WARS2: variants seen among roughly 807,000 people sequenced by gnomAD.
WARS2 encodes the protein tryptophan--tRNA ligase, mitochondrial.
WARS2 carries 28 observed loss-of-function variants against 36.5 expected under a neutral mutation model. The ratio of observed to expected loss-of-function variants is 0.77; its 90% CI spans 0.57 to 1.05. The LOEUF is 1.05. WARS2 is among the 50% of genes least tolerant of loss of function. WARS2 has a pLI of 0.00. For synonymous variants in WARS2, 174 were observed against 178.4 expected (o/e 0.98, Z 0.20); for missense variants, 435 against 456.8 (o/e 0.95, Z 0.44).
At chr1:119,039,536 T>TA (rs1468348814) in intron 4 of WARS2, among the ~76,000 whole-genome samples, 1 of 152,134 alleles carries the variant, frequency 6.6e-6, no homozygotes, top group Non-Finnish European at 1.5e-5. Flanking sequence ...TTTGGAGAAA[T>TA]AATACAGATG....
At chr1:119,064,456 G>A (rs1227516994) in intron 2 of WARS2, 1 of 152,158 alleles carries the variant, frequency 6.6e-6, no homozygotes, top group African/African-American at 2.4e-5. Flanking sequence ...GAAATGTAAG[G>A]ACATGAGATT....
Position 119,032,839 on chromosome 1 carries a change from T to C in WARS2, c.*72A>G, listed in dbSNP as rs1647538530. On this transcript the variant is annotated 3_prime_UTR_variant, in exon 6 of 6. Coordinates refer to ENST00000235521, the MANE Select transcript of WARS2 (RefSeq NM_015836.4). ...TCCCAAAACTATAACTTTTTCTTTT[T>C]AGGAAAGCTGCCGTTATCAGAATGC... is the stretch of plus-strand genomic sequence containing the variant. The C allele has an allele frequency of 2.1e-6, 3 of 1,418,040 alleles. No individual in the cohort carries two copies. Among genetic ancestry groups the C allele is most frequent in the Admixed American group, 2.3e-5 (1 of 43,712 alleles). The allele number at this position is 1,418,040 out of a possible 1,614,324, so 87.8% of individuals were successfully genotyped here.
chr1:119,082,421 T>A, intron 1 of WARS2: 1 of 985,450 alleles, frequency 1.0e-6, no homozygotes, highest in Non-Finnish European at 1.2e-6. Flanking sequence ...AAACATGCCC[T>A]GGCCCTTTCA....
At chr1:119,064,154 C>A (rs1408382205) in intron 2 of WARS2, 2 of 152,012 alleles carry the variant, frequency 1.3e-5, no homozygotes, top group East Asian at 3.9e-4. Context: ...GACCTGGAGT[C>A]AAAGGAGATC....
intron 1 of WARS2, among the ~76,000 whole-genome samples, chr1:119,117,486 A>G (rs1302189831): frequency 6.6e-6 from 1 of 152,202 alleles, no homozygotes; most frequent in Non-Finnish European, 1.5e-5. Context: ...ACTCTGTGCC[A>G]CCTCTGGCTG....
chr1:119,076,789 A>G (rs1651773858), intron 1 of WARS2, among the ~76,000 whole-genome samples, 182 bp from the exon 2 acceptor site: 1 of 152,186 alleles, frequency 6.6e-6, no homozygotes, highest in Non-Finnish European at 1.5e-5. Context: ...TAGGCACAAA[A>G]AAATGATATT....
intron 2 of WARS2, among the ~76,000 whole-genome samples, chr1:119,075,207 C>CT (rs1651635099): frequency 6.6e-6 from 1 of 151,244 alleles, no homozygotes; most frequent in South Asian, 2.1e-4. Context: ...CAAAAAATAA[C>CT]AATACCACGA....
chr1:119,063,174 A>G lies in WARS2; in HGVS notation c.348+13176T>C, dbSNP rs1650524995. On this transcript the variant is annotated intron_variant, in intron 2 of 5. Transcript: ENST00000235521. ...GAGCAAAGGTGACTTGTTATGTTTT[A>G]GCAAAGAGACTGGCAGCATTTTGCC... is the stretch of plus-strand genomic sequence containing the variant. The G allele has an allele frequency of 2.0e-5, 3 of 153,516 alleles. No homozygotes were observed. The South Asian group carries it at 6.2e-4, about 32-fold the overall frequency. 9.5% of individuals were successfully genotyped at this position (153,516 alleles called of 1,614,324 possible). A position where few individuals can be genotyped will look rare whatever the true frequency, so the allele number is the denominator to read the frequency against.
chr1:119,090,885 A>T (rs1419850137), intron 1 of WARS2, among the ~76,000 whole-genome samples: 1 of 152,134 alleles, frequency 6.6e-6, no homozygotes, highest in African/African-American at 2.4e-5. Flanking sequence ...ACAGAGCAAG[A>T]TCCTGTCTCA....
intron 1 of WARS2, among the ~76,000 whole-genome samples, chr1:119,136,930 C>A (rs1656550867): frequency 6.6e-6 from 1 of 152,142 alleles, no homozygotes; most frequent in African/African-American, 2.4e-5. Context: ...TAACCTCAGT[C>A]TAAACACAAA....
chr1:119,124,909 C>A (rs1655551116), intron 1 of WARS2, among the ~76,000 whole-genome samples: 1 of 152,158 alleles, frequency 6.6e-6, no homozygotes, highest in Non-Finnish European at 1.5e-5. Flanking sequence ...TGCAAACCAC[C>A]CCAAGGTTAA....
chr1:119,116,539 A>G (rs1016598169), intron 1 of WARS2, among the ~76,000 whole-genome samples: 2 of 152,214 alleles, frequency 1.3e-5, no homozygotes, highest in South Asian at 2.1e-4. Flanking sequence ...AAATGCCACA[A>G]GATAGCCAAA....
intron 2 of WARS2, among the ~76,000 whole-genome samples, chr1:119,057,273 G>A (rs929936790): frequency 6.6e-6 from 1 of 151,880 alleles, no homozygotes; most frequent in African/African-American, 2.4e-5. Flanking sequence ...AGCCTCCTGA[G>A]TAGCTGGGAC....
chr1:119,108,183 T>C (rs2101487238), intron 1 of WARS2, among the ~76,000 whole-genome samples: 1 of 152,146 alleles, frequency 6.6e-6, no homozygotes, highest in South Asian at 2.1e-4. Flanking sequence ...TGGTATAGGG[T>C]AATGCCTGGG....
At chr1:119,091,640 G>A (rs1441973746) in intron 1 of WARS2, among the ~76,000 whole-genome samples, 1 of 152,126 alleles carries the variant, frequency 6.6e-6, no homozygotes, top group African/African-American at 2.4e-5. Flanking sequence ...TTGTTTCATT[G>A]AGAAGTGGTG....
At chr1:119,075,873 C>T (rs1360613213) in intron 2 of WARS2, among the ~76,000 whole-genome samples, 1 of 148,474 alleles carries the variant, frequency 6.7e-6, no homozygotes, top group East Asian at 2.2e-4. Context: ...CTTGTGCTAT[C>T]AAATCTTCTC....
chr1:119,051,414 T>C (rs1649339987), intron 2 of WARS2, among the ~76,000 whole-genome samples: 1 of 152,224 alleles, frequency 6.6e-6, no homozygotes, highest in Admixed American at 6.5e-5. Flanking sequence ...ATGTGGTATA[T>C]GTACATTTTC....
intron 1 of WARS2, among the ~76,000 whole-genome samples, chr1:119,117,556 A>T (rs1288253771): frequency 6.6e-6 from 1 of 152,210 alleles, no homozygotes; most frequent in African/African-American, 2.4e-5. Flanking sequence ...AGAAGACAAC[A>T]GCTAATTCCA....
At chr1:119,057,310 T>TA (rs899962897) in intron 2 of WARS2, among the ~76,000 whole-genome samples, 5 of 151,798 alleles carry the variant, frequency 3.3e-5, no homozygotes, top group Non-Finnish European at 7.4e-5. Context: ...CAAGCCCGGC[T>TA]AAATTTTGTG....
Sources: allele counts gnomAD v4.1 joint callset (sites outside exome capture counted in the v4.1 genomes callset), GRCh38; gene constraint gnomAD v4.1.1; transcripts MANE v1.5; gene names NCBI Gene and HGNC (gene_info 2026-07-23, HGNC 2026-07-21).